The following NIBAN1 variants were observed in gnomAD, a reference collection of about 807,000 sequenced individuals.
The protein encoded by NIBAN1 is protein Niban 1.
In NIBAN1, 81 loss-of-function variants were observed where a neutral mutation model predicts 75.1. The observed-to-expected ratio is 1.08, with a 90% confidence interval of 0.90 to 1.30. NIBAN1 has a LOEUF of 1.30. Ranked by LOEUF, NIBAN1 falls within the 50% of genes most tolerant of loss-of-function variation. The pLI is 0.00. For synonymous variants in NIBAN1, 436 were observed against 424.8 expected (o/e 1.03, Z -0.32); for missense variants, 1,133 against 1,128.1 (o/e 1.00, Z -0.06).
At chr1:184,932,692 T>C (rs1014936795) in intron 1 of NIBAN1, among the ~76,000 whole-genome samples, 1 of 152,236 alleles carries the variant, frequency 6.6e-6, no homozygotes. Flanking sequence ...ATTCTTTTCT[T>C]TTGTATATTT....
At chr1:184,866,231 C>T (rs1017484211) in intron 5 of NIBAN1, among the ~76,000 whole-genome samples, 20 of 151,872 alleles carry the variant, frequency 1.3e-4, no homozygotes, top group African/African-American at 4.4e-4. Flanking sequence ...AGGACAGGTA[C>T]GAGAGAAGGA....
At position 184,953,914 on chromosome 1, in the gene NIBAN1, T is replaced by C. The variant is rs80237598; in HGVS notation, c.55+20388A>G. 4.9e-4 allele frequency among the ~76,000 whole-genome samples: 74 copies of C among 152,340 alleles called. 1 individual carries two copies. In the East Asian group the frequency reaches 0.013, roughly 28 times the overall value. Reference sequence around the variant, plus strand: ...GAGAAAATGAGACAACCTCAGAGTCTAGTGACGGTGTTTTCCAAAGAACAC... The same window carrying C: ...GAGAAAATGAGACAACCTCAGAGTCCAGTGACGGTGTTTTCCAAAGAACAC... On this transcript the variant is annotated intron_variant, in intron 1 of 13. Coordinates refer to ENST00000367511, the MANE Select transcript of NIBAN1 (RefSeq NM_052966.4).
At chr1:184,884,605 C>T (rs771674985) in intron 5 of NIBAN1, 28 bp downstream of exon 5, 80 of 1,611,152 alleles carry the variant, frequency 5.0e-5, no homozygotes, top group Non-Finnish European at 6.4e-5. Context: ...CTTCCCGCCC[C>T]GGGGATGAGA....
rs1653736986 is a variant in NIBAN1 at position 184,792,970 on chromosome 1, CTG to C, written c.*2005_*2006del. The C allele has an allele frequency of 6.6e-6, 1 of 152,198 alleles. No individual in the cohort carries two copies. Among genetic ancestry groups the C allele is most frequent in the African/African-American group, 2.4e-5 (1 of 41,438 alleles). The allele number at this position is 152,198 out of a possible 1,614,324, so 9.4% of individuals were successfully genotyped here. On this transcript the variant is annotated 3_prime_UTR_variant, in exon 14 of 14. Coordinates refer to ENST00000367511, the MANE Select transcript of NIBAN1 (RefSeq NM_052966.4). ...GAGTGAGCACTGCAGAAAGCAGAGA[CTG>C]GGGGAGAAGTGGTCTTTACTTCCTT...
At position 184,934,170 on chromosome 1, in the gene NIBAN1, A is replaced by G. The variant is rs564817381; in HGVS notation, c.56-34861T>C. ...GTAACAAAATTATGTCCTTTGCAGC[A>G]ACATAATTGCAGCTAGAAGCCATTA... On this transcript the variant is annotated intron_variant, in intron 1 of 13. Coordinates refer to ENST00000367511, the MANE Select transcript of NIBAN1 (RefSeq NM_052966.4). 1.4e-3 allele frequency among the ~76,000 whole-genome samples: 207 copies of G among 152,360 alleles called. 1 individual carries two copies. Among genetic ancestry groups the G allele is most frequent in the African/African-American group, 4.8e-3 (200 of 41,588 alleles).
intron 5 of NIBAN1, among the ~76,000 whole-genome samples, chr1:184,833,031 C>T (rs1655040117): frequency 6.6e-6 from 1 of 151,848 alleles, no homozygotes; most frequent in Non-Finnish European, 1.5e-5. Flanking sequence ...AGGCCAAGTT[C>T]CCTGACTCTC....
chr1:184,879,295 C>T (rs879919521), intron 5 of NIBAN1, among the ~76,000 whole-genome samples: 5 of 152,100 alleles, frequency 3.3e-5, no homozygotes, highest in Non-Finnish European at 7.4e-5. Context: ...TTATCTATCT[C>T]TAAACATTAT....
Position 184,797,909 on chromosome 1 carries a change from C to T in NIBAN1, c.1666+170G>A, listed in dbSNP as rs548170149. On this transcript the variant is annotated intron_variant, in intron 13 of 13. Coordinates refer to ENST00000367511, the MANE Select transcript of NIBAN1 (RefSeq NM_052966.4). ...TGTGTGCTTAATCATAACACTCAAT[C>T]AAGGTTAGTATCCTTCCTTCTTTCC... Among the ~76,000 whole-genome samples the T allele has an allele frequency of 3.9e-5, 6 of 152,324 alleles. No individual in the cohort carries two copies. In the East Asian group the frequency reaches 1.2e-3, roughly 29 times the overall value.
At chr1:184,958,888 T>A (rs1571605459) in intron 1 of NIBAN1, among the ~76,000 whole-genome samples, 1 of 152,232 alleles carries the variant, frequency 6.6e-6, no homozygotes, top group African/African-American at 2.4e-5. Flanking sequence ...TTGTTGCTCA[T>A]AAAATTTGGC....
At chr1:184,808,458 C>T (rs1021488915) in intron 9 of NIBAN1, among the ~76,000 whole-genome samples, 1 of 152,150 alleles carries the variant, frequency 6.6e-6, no homozygotes, top group Non-Finnish European at 1.5e-5. Context: ...GAAACACCAA[C>T]TGGATGAGAG....
intron 1 of NIBAN1, among the ~76,000 whole-genome samples, chr1:184,953,615 A>T (rs181810469): frequency 6.6e-6 from 1 of 152,238 alleles, no homozygotes. Context: ...CATTAAAAAC[A>T]TGTGGAGACA....
intron 8 of NIBAN1, among the ~76,000 whole-genome samples, chr1:184,820,556 T>C (rs1654667625): frequency 6.6e-6 from 1 of 152,246 alleles, no homozygotes. Flanking sequence ...GGTGTTTCCT[T>C]ATGGGCTGGA....
chr1:184,901,143 TTTG>T (rs1199862653), intron 1 of NIBAN1, among the ~76,000 whole-genome samples: 1 of 152,102 alleles, frequency 6.6e-6, no homozygotes, highest in East Asian at 1.9e-4. Context: ...GAATCCTACT[TTTG>T]TTTGGGAATT....
intron 1 of NIBAN1, among the ~76,000 whole-genome samples, chr1:184,946,224 C>T (rs1245481478): frequency 2.0e-5 from 3 of 152,150 alleles, no homozygotes; most frequent in Admixed American, 1.3e-4. Flanking sequence ...GAACTGCTCC[C>T]CTATTACTTT....
intron 5 of NIBAN1, among the ~76,000 whole-genome samples, chr1:184,883,661 G>A (rs234661): frequency 0.41 from 62,806 of 152,070 alleles, 13,156 homozygotes; most frequent in South Asian, 0.5. Context: ...AGGGTGGTTC[G>A]CGAACCAGCA....
chr1:184,917,058 G>T (rs1657402691), intron 1 of NIBAN1, among the ~76,000 whole-genome samples: 1 of 152,074 alleles, frequency 6.6e-6, no homozygotes, highest in Non-Finnish European at 1.5e-5. Context: ...CATTTTCCCG[G>T]CTGCTTATTG....
chr1:184,884,121 G>C (rs1404820312), intron 5 of NIBAN1, among the ~76,000 whole-genome samples: 2 of 151,648 alleles, frequency 1.3e-5, no homozygotes, highest in Non-Finnish European at 2.9e-5. Flanking sequence ...TCCCAGGCCT[G>C]CCTGAAAACC....
At chr1:184,821,007 G>A (rs768761346) in intron 8 of NIBAN1, among the ~76,000 whole-genome samples, 53 of 152,134 alleles carry the variant, frequency 3.5e-4, no homozygotes, top group Non-Finnish European at 6.9e-4. Flanking sequence ...ATAGCTTCTT[G>A]AGGTTGAAAT....
rs187708222 is a variant in NIBAN1 at position 184,834,776 on chromosome 1, T to G, written c.602-2814A>C. ...TTAGCCCTTTGCCAGATGGGTAGAT[T>G]GCAAAAATTTTCTCCCATTCTGTAG... On this transcript the variant is annotated intron_variant, in intron 5 of 13. Transcript: ENST00000367511. Among the ~76,000 whole-genome samples the G allele has an allele frequency of 1.9e-3, 286 of 152,336 alleles. 1 individual carries two copies. Among genetic ancestry groups the G allele is most frequent in the African/African-American group, 6.6e-3 (275 of 41,570 alleles).
Sources: allele counts gnomAD v4.1 joint callset (sites outside exome capture counted in the v4.1 genomes callset), GRCh38; gene constraint gnomAD v4.1.1; transcripts MANE v1.5; gene names NCBI Gene and HGNC (gene_info 2026-07-23, HGNC 2026-07-21).